WWOX: variants seen among roughly 807,000 people sequenced by gnomAD.
The protein encoded by WWOX is WW domain-containing oxidoreductase.
Under a neutral mutation model 46.2 loss-of-function variants are expected in WWOX, and 69 were observed. The ratio of observed to expected loss-of-function variants is 1.49; its 90% CI spans 1.23 to 1.82. The LOEUF is 1.82. Ranked by LOEUF, WWOX falls within the 40% of genes most tolerant of loss-of-function variation. The pLI, the probability that WWOX is intolerant of heterozygous loss-of-function variation, is 0.00. For missense variants in WWOX, 919 were observed against 542.6 expected, an observed-to-expected ratio of 1.69 and a Z score of -6.89; for synonymous variants, 359 against 202.6, an observed-to-expected ratio of 1.77 and a Z score of -6.56.
At chr16:79,098,515 G>A (rs2049122794) in intron 8 of WWOX, among the ~76,000 whole-genome samples, 2 of 152,244 alleles carry the variant, frequency 1.3e-5, no homozygotes, top group Non-Finnish European at 2.9e-5. Flanking sequence ...CCCTGGTACT[G>A]ATGGTTGCAT....
chr16:78,113,545 A>G (rs1188927142), intron 3 of WWOX, among the ~76,000 whole-genome samples: 1 of 152,116 alleles, frequency 6.6e-6, no homozygotes, highest in Non-Finnish European at 1.5e-5. Flanking sequence ...TTTGGGGGGA[A>G]CCTGGAAATT....
rs113869612 is a variant in WWOX at position 79,202,043 on chromosome 16, C to G, written c.1057-9565C>G. Among the ~76,000 whole-genome samples the G allele has an allele frequency of 8.7e-3, 1,302 of 149,062 alleles. 11 individuals carry two copies. The highest frequency in any genetic ancestry group is 0.032 in the African/African-American group (1,257 of 39,698). On this transcript the variant is annotated intron_variant, in intron 8 of 8. Transcript: ENST00000566780. ...ACAAACTATGGCCTGCCGGCTAAAT[C>G]TGGCCCAGTGCCTTTTTTTTTATAA...
chr16:78,831,181 GCTGT>G (rs1323899203), intron 8 of WWOX, among the ~76,000 whole-genome samples: 1 of 152,136 alleles, frequency 6.6e-6, no homozygotes, highest in East Asian at 1.9e-4. Context: ...GAAGACCCTG[GCTGT>G]CTGAGCACCA....
intron 8 of WWOX, among the ~76,000 whole-genome samples, chr16:79,105,026 C>G (rs1022712947): frequency 6.6e-6 from 1 of 152,086 alleles, no homozygotes; most frequent in Non-Finnish European, 1.5e-5. Flanking sequence ...CAGCACGGGG[C>G]TGGGTCTAGA....
Position 78,445,367 on chromosome 16 carries a change from C to T in WWOX, c.1056+12615C>T, listed in dbSNP as rs147788840. Among the ~76,000 whole-genome samples, 628 of 152,274 alleles carry T rather than the reference C, an allele frequency of 4.1e-3. 2 individuals carry two copies. Among genetic ancestry groups the T allele is most frequent in the Non-Finnish European group, 6.6e-3 (448 of 68,028 alleles). On this transcript the variant is annotated intron_variant, in intron 8 of 8. Coordinates refer to ENST00000566780, the MANE Select transcript of WWOX (RefSeq NM_016373.4). ...TCACAAGATCTTGTTGATGTGCATG[C>T]ATTCATTCATTCAACAAATATTATT...
At chr16:78,892,749 C>G (rs1410511827) in intron 8 of WWOX, among the ~76,000 whole-genome samples, 1 of 152,152 alleles carries the variant, frequency 6.6e-6, no homozygotes, top group Non-Finnish European at 1.5e-5. Flanking sequence ...TGATGGCATC[C>G]CACAACTTTC....
intron 8 of WWOX, among the ~76,000 whole-genome samples, chr16:78,751,461 T>TTTTATATATATA (rs368019503): frequency 7.8e-6 from 1 of 128,438 alleles, no homozygotes; most frequent in African/African-American, 3.0e-5. Flanking sequence ...TTATCAGATT[T>TTTTATATATATA]TATATATATA....
intron 8 of WWOX, among the ~76,000 whole-genome samples, chr16:79,118,564 T>G (rs1308690424): frequency 6.6e-6 from 1 of 152,190 alleles, no homozygotes; most frequent in East Asian, 1.9e-4. Context: ...AAACACAGTA[T>G]TTGCAAAGTG....
rs1004686335 is a variant in WWOX at position 79,132,486 on chromosome 16, C to G, written c.1057-79122C>G. Among the ~76,000 whole-genome samples the G allele has an allele frequency of 9.9e-5, 15 of 152,226 alleles. No homozygotes were observed. In the East Asian group the frequency reaches 2.7e-3, roughly 27 times the overall value. On this transcript the variant is annotated intron_variant, in intron 8 of 8. Coordinates refer to ENST00000566780, the MANE Select transcript of WWOX (RefSeq NM_016373.4). ...TAATGGTACTTATTTGGGAGAGTTACTTGCCACGTTTCAGATGATTGGGAG... is the reference window on the plus strand; with the variant it reads ...TAATGGTACTTATTTGGGAGAGTTAGTTGCCACGTTTCAGATGATTGGGAG...
At chr16:78,806,805 G>T (rs2051050965) in intron 8 of WWOX, among the ~76,000 whole-genome samples, 1 of 152,212 alleles carries the variant, frequency 6.6e-6, no homozygotes. Flanking sequence ...TTCTGGAAGA[G>T]AATGTGGGAC....
At chr16:78,690,541 G>T (rs2047961455) in intron 8 of WWOX, among the ~76,000 whole-genome samples, 1 of 152,084 alleles carries the variant, frequency 6.6e-6, no homozygotes, top group South Asian at 2.1e-4. Context: ...GACAGAATGA[G>T]ACCCTGTCTG....
At chr16:78,977,868 T>G (rs2046604435) in intron 8 of WWOX, among the ~76,000 whole-genome samples, 1 of 152,194 alleles carries the variant, frequency 6.6e-6, no homozygotes, top group African/African-American at 2.4e-5. Context: ...ACGCTTTTTG[T>G]TTTCCCCTAC....
At chr16:78,887,077 G>GTGTGT (rs1555559537) in intron 8 of WWOX, among the ~76,000 whole-genome samples, 1 of 61,312 alleles carries the variant, frequency 1.6e-5, no homozygotes, top group African/African-American at 4.6e-5. Context: ...GTGTGTGTGT[G>GTGTGT]GTGTGTGTGT....
intron 5 of WWOX, among the ~76,000 whole-genome samples, chr16:78,383,072 C>T (rs551233739): frequency 1.3e-4 from 19 of 150,522 alleles, no homozygotes; most frequent in South Asian, 6.4e-4. Context: ...TACTGGATCA[C>T]GAGACAGCAC....
chr16:78,564,058 A>G (rs2044504777), intron 8 of WWOX, among the ~76,000 whole-genome samples: 1 of 152,246 alleles, frequency 6.6e-6, no homozygotes, highest in Non-Finnish European at 1.5e-5. Context: ...GAGAGACACA[A>G]GACCATGTTT....
intron 8 of WWOX, among the ~76,000 whole-genome samples, chr16:78,956,566 G>A (rs1470370528): frequency 6.6e-6 from 1 of 152,100 alleles, no homozygotes; most frequent in Non-Finnish European, 1.5e-5. Context: ...TCACAGACAT[G>A]GAATGACATG....
intron 8 of WWOX, chr16:78,898,877 G>A (rs1307425066): frequency 6.6e-6 from 1 of 151,826 alleles, no homozygotes; most frequent in Non-Finnish European, 1.5e-5. Flanking sequence ...TTATGCTATT[G>A]TAAATGGCAT....
intron 8 of WWOX, among the ~76,000 whole-genome samples, chr16:78,701,798 A>G (rs1376383740): frequency 6.6e-6 from 1 of 151,754 alleles, no homozygotes; most frequent in Non-Finnish European, 1.5e-5. Context: ...CTGAGCTGCC[A>G]TCTGGGGACA....
At chr16:78,495,751 C>T (rs557388473) in intron 8 of WWOX, among the ~76,000 whole-genome samples, 1 of 151,518 alleles carries the variant, frequency 6.6e-6, no homozygotes, top group East Asian at 2.0e-4. Context: ...TCAAATGATT[C>T]CCTGCCTCCA....
Sources: gnomAD v4.1 joint callset for allele counts (sites outside exome capture counted in the v4.1 genomes callset) on GRCh38, gnomAD v4.1.1 for gene constraint, MANE v1.5 for transcripts, NCBI Gene and HGNC (gene_info 2026-07-23, HGNC 2026-07-21) for gene names.